Variants in ETNPPL observed in about 807,000 individuals in gnomAD.
The protein encoded by ETNPPL is ethanolamine-phosphate phospho-lyase.
A neutral mutation model predicts 55.5 loss-of-function variants in ETNPPL; 30 were observed. The observed-to-expected ratio is 0.54, with a 90% confidence interval of 0.40 to 0.73. The LOEUF (loss-of-function observed/expected upper bound fraction) is 0.73, where lower values mean the gene tolerates loss of function less well. ETNPPL is among the 30% of genes least tolerant of loss of function. The pLI is 0.00. For missense variants in ETNPPL, 528 were observed against 607.9 expected (o/e 0.87, Z 1.38); for synonymous variants, 202 against 207.2 (o/e 0.98, Z 0.21).
chr4:108,745,270 T>G (rs74494642), intron 11 of ETNPPL, among the ~76,000 whole-genome samples: 16,758 of 152,142 alleles, frequency 0.11, 2,211 homozygotes, highest in African/African-American at 0.32. Flanking sequence ...TTCAATATTT[T>G]AAATATTTTT....
chr4:108,757,727 C>T (rs1362120288), intron 3 of ETNPPL, among the ~76,000 whole-genome samples: 1 of 151,836 alleles, frequency 6.6e-6, no homozygotes, highest in Admixed American at 6.6e-5. Context: ...TTGCTTGAGC[C>T]CATGAGTTTG....
At chr4:108,745,015 G>A (rs1243938992) in intron 11 of ETNPPL, among the ~76,000 whole-genome samples, 4 of 152,142 alleles carry the variant, frequency 2.6e-5, no homozygotes, top group Non-Finnish European at 5.9e-5. Context: ...TTATAGGCAT[G>A]TGCTGCCATG....
chr4:108,743,787 A>G lies in ETNPPL; in HGVS notation c.1371+2T>C. On this transcript the variant is annotated splice_donor_variant, in intron 12 of 12. Coordinates refer to ENST00000296486, the MANE Select transcript of ETNPPL (RefSeq NM_031279.4). LOFTEE classifies it high-confidence loss of function. ...CCTAAAAATAAAGTAGCCAACCCTT[A>G]CCTTTGTTTTGCATGGAGTATTCTC... The G allele has an allele frequency of 6.2e-7, 1 of 1,601,966 alleles. No individual in the cohort carries two copies. The highest frequency in any genetic ancestry group is 1.1e-5 in the South Asian group (1 of 90,582).
chr4:108,762,733 G>A, intron 1 of ETNPPL, 110 bp downstream of exon 1: 1 of 1,330,222 alleles, frequency 7.5e-7, no homozygotes. Context: ...CGGCGGGCAC[G>A]GAGTGCGGCT....
intron 2 of ETNPPL, 129 bp from the exon 3 acceptor site, chr4:108,760,037 T>C: frequency 8.5e-7 from 1 of 1,171,730 alleles, no homozygotes; most frequent in Non-Finnish European, 1.2e-6. Context: ...TTCTCTTCCA[T>C]ATTTTGCTGC....
intron 4 of ETNPPL, among the ~76,000 whole-genome samples, chr4:108,755,011 C>T (rs1168131236): frequency 6.6e-6 from 1 of 152,154 alleles, no homozygotes; most frequent in East Asian, 1.9e-4. Flanking sequence ...ATTAGATTGT[C>T]TAAATGTGAA....
chr4:108,760,605 T>A (rs949198149), intron 1 of ETNPPL, among the ~76,000 whole-genome samples: 1 of 152,230 alleles, frequency 6.6e-6, no homozygotes, highest in Non-Finnish European at 1.5e-5. Context: ...GACCAATAAC[T>A]AATTTTCCTT....
intron 1 of ETNPPL, 42 bp from the exon 2 acceptor site, chr4:108,760,348 C>T (rs1168769400): frequency 1.8e-6 from 2 of 1,137,986 alleles, no homozygotes; most frequent in Non-Finnish European, 2.6e-6. Flanking sequence ...GGTAGGACTA[C>T]TCTCAGTATT....
intron 5 of ETNPPL, among the ~76,000 whole-genome samples, chr4:108,753,749 T>TAAGAAAGAAAGAAAGAAAGAAAAGA (rs1729028227): frequency 1.3e-5 from 1 of 76,766 alleles, no homozygotes; most frequent in Admixed American, 1.8e-4. Flanking sequence ...CTCAAATAAA[T>TAAGAAAGAAAGAAAGAAAGAAAAGA]AAGAAAGAAA....
At chr4:108,747,679 C>T in intron 9 of ETNPPL, 1 of 167,606 alleles carries the variant, frequency 6.0e-6, no homozygotes, top group Non-Finnish European at 1.3e-5. Context: ...TGGTGTTTTC[C>T]AGATTTAGTT....
At chr4:108,749,515 C>G (rs752395129) in intron 7 of ETNPPL, 52 bp from the exon 8 acceptor site, 91 of 1,361,380 alleles carry the variant, frequency 6.7e-5, no homozygotes, top group Non-Finnish European at 9.3e-5. Flanking sequence ...GATCCCCAAA[C>G]CCACCCACAA....
chr4:108,747,158 T>TGTCAGTATTTC (rs1560650312), intron 9 of ETNPPL, among the ~76,000 whole-genome samples: 5 of 16,346 alleles, frequency 3.1e-4, no homozygotes, highest in African/African-American at 2.1e-3. Flanking sequence ...AATATATATA[T>TGTCAGTATTTC]ATATATTATA....
chr4:108,748,223 A>G, intron 8 of ETNPPL, 64 bp from the exon 9 acceptor site: 1 of 1,340,600 alleles, frequency 7.5e-7, no homozygotes, highest in Non-Finnish European at 1.0e-6. Flanking sequence ...TCCCTCATCC[A>G]TGAGAAATTT....
In ETNPPL at chr4:108,759,731, G is replaced by A. The variant is rs766698823; in HGVS notation, c.335+18C>T. 6.8e-6 allele frequency: 11 copies of A among 1,612,754 alleles called. No homozygotes were observed. The Admixed American group carries it at 1.8e-4, about 27-fold the overall frequency. ...AGTTTAGTGGGAATGGGGAGGGGTG[G>A]GAAACCATGAAGCATACCCTGAATT... On this transcript the variant is annotated intron_variant, in intron 3 of 12. Coordinates refer to ENST00000296486, the MANE Select transcript of ETNPPL (RefSeq NM_031279.4).
In ETNPPL at chr4:108,742,744, C is replaced by G. The variant is rs189567379; in HGVS notation, c.1372-132G>C. ...ACAAAACAACACTGCTTGCTCCTTTCTAACCCTCTCCTCAGTATCTTCAAT... is the reference window on the plus strand; with the variant it reads ...ACAAAACAACACTGCTTGCTCCTTTGTAACCCTCTCCTCAGTATCTTCAAT... On this transcript the variant is annotated intron_variant, in intron 12 of 12. Transcript: ENST00000296486. The G allele has an allele frequency of 4.8e-5, 45 of 928,872 alleles. No homozygotes were observed. The East Asian group carries it at 6.4e-4, about 13-fold the overall frequency. The allele number at this position is 928,872 out of a possible 1,614,324, so 57.5% of individuals were successfully genotyped here. A position where few individuals can be genotyped will look rare whatever the true frequency, so the allele number is the denominator to read the frequency against.
intron 11 of ETNPPL, among the ~76,000 whole-genome samples, chr4:108,745,393 G>C (rs183157722): frequency 6.6e-6 from 1 of 151,934 alleles, no homozygotes; most frequent in African/African-American, 2.4e-5. Flanking sequence ...TCGGGAGTTC[G>C]AGACCAGCCT....
chr4:108,762,874 C>A lies in ETNPPL; in HGVS notation c.25G>T (p.Asp9Tyr), dbSNP rs1409734640. 2 of 1,614,122 alleles carry A rather than the reference C, an allele frequency of 1.2e-6. No homozygotes were observed. The highest frequency in any genetic ancestry group is 1.6e-4 in the Middle Eastern group (1 of 6,062). MCELYSKR[D>Y]TLGLRKKHIG... ...TGCTTCTTCCTCAGCCCCAGAGTGT[C>A]CCGCTTACTGTACAGCTCGCACATG... Residue 9 changes from aspartate (D) to tyrosine (Y), a missense_variant, in exon 1 of 13, where the codon GAC becomes TAC. Transcript: ENST00000296486.
chr4:108,752,473 C>T (rs1168575793), intron 6 of ETNPPL, among the ~76,000 whole-genome samples: 3 of 152,156 alleles, frequency 2.0e-5, no homozygotes, highest in Non-Finnish European at 2.9e-5. Flanking sequence ...TGCAAACCAG[C>T]CCCAGGCTCC....
In ETNPPL at chr4:108,754,728, A is replaced by G; in HGVS notation, c.411-18T>C. 3 of 1,342,588 alleles carry G rather than the reference A, an allele frequency of 2.2e-6. No individual in the cohort carries two copies. 83.2% of individuals were successfully genotyped at this position (1,342,588 alleles called of 1,614,324 possible). A position where few individuals can be genotyped will look rare whatever the true frequency, so the allele number is the denominator to read the frequency against. ...GGTAAGCACTGAAGAGACAAAGAAAAAAAAGCAGTAATCAAAATAATTCCA... is the reference window on the plus strand; with the variant it reads ...GGTAAGCACTGAAGAGACAAAGAAAGAAAAGCAGTAATCAAAATAATTCCA... On this transcript the variant is annotated intron_variant, in intron 4 of 12. Coordinates refer to ENST00000296486, the MANE Select transcript of ETNPPL (RefSeq NM_031279.4).
Sources: gnomAD v4.1 joint callset for allele counts (sites outside exome capture counted in the v4.1 genomes callset) on GRCh38, gnomAD v4.1.1 for gene constraint, MANE v1.5 for transcripts, NCBI Gene and HGNC (gene_info 2026-07-23, HGNC 2026-07-21) for gene names.